The following PRKCB variants were observed in gnomAD, a reference collection of about 807,000 sequenced individuals.
PRKCB encodes protein kinase C beta, also known as protein kinase C beta type.
PRKCB carries 13 observed loss-of-function variants against 81.5 expected under a neutral mutation model. That is an observed-to-expected ratio of 0.16 (90% CI 0.10 to 0.25). The LOEUF (loss-of-function observed/expected upper bound fraction) is 0.25, where lower values mean the gene tolerates loss of function less well. PRKCB is among the 10% of genes least tolerant of loss of function. The pLI is 1.00. For synonymous variants in PRKCB, 335 were observed against 321.4 expected, an observed-to-expected ratio of 1.04 and a Z score of -0.45; for missense variants, 509 against 875.7, an observed-to-expected ratio of 0.58 and a Z score of 5.29.
chr16:23,952,256 G>T (rs1411227425), intron 2 of PRKCB, among the ~76,000 whole-genome samples: 4 of 152,294 alleles, frequency 2.6e-5, no homozygotes, highest in African/African-American at 9.6e-5. Context: ...GAGCAGAGAA[G>T]CCCCCCTCAT....
intron 5 of PRKCB, among the ~76,000 whole-genome samples, chr16:24,088,641 A>G (rs932420616): frequency 1.3e-5 from 2 of 151,102 alleles, no homozygotes; most frequent in African/African-American, 4.9e-5. Context: ...AGGTGGTAGC[A>G]TCGCTTGATC....
intron 16 of PRKCB, among the ~76,000 whole-genome samples, chr16:24,196,046 C>T (rs1055135819): frequency 8.5e-5 from 13 of 152,324 alleles, no homozygotes; most frequent in African/African-American, 2.9e-4. Flanking sequence ...CAGGGAGGCT[C>T]TTGTTGATTC....
At chr16:24,034,504 T>C (rs1267807789) in intron 4 of PRKCB, among the ~76,000 whole-genome samples, 1 of 152,158 alleles carries the variant, frequency 6.6e-6, no homozygotes, top group Non-Finnish European at 1.5e-5. Context: ...ACACAGATAC[T>C]CTACGGAGGA....
intron 2 of PRKCB, among the ~76,000 whole-genome samples, chr16:23,864,849 A>G (rs972940304): frequency 1.3e-5 from 2 of 152,088 alleles, no homozygotes; most frequent in African/African-American, 2.4e-5. Flanking sequence ...TAGTGAACCT[A>G]GCATCTGATA....
At chr16:24,096,773 C>G (rs1297908979) in intron 7 of PRKCB, among the ~76,000 whole-genome samples, 2 of 146,106 alleles carry the variant, frequency 1.4e-5, no homozygotes, top group Non-Finnish European at 1.5e-5. Context: ...TTAACTGAGT[C>G]AAGGAGTCAG....
intron 2 of PRKCB, among the ~76,000 whole-genome samples, chr16:23,979,472 A>G (rs1252504666): frequency 6.6e-6 from 1 of 152,228 alleles, no homozygotes; most frequent in Non-Finnish European, 1.5e-5. Flanking sequence ...GGGATGAGAT[A>G]TCAAGGCAAC....
intron 9 of PRKCB, among the ~76,000 whole-genome samples, chr16:24,127,574 A>G (rs1394042905): frequency 1.3e-5 from 2 of 151,700 alleles, no homozygotes; most frequent in Non-Finnish European, 1.5e-5. Context: ...AACAGACGAG[A>G]GGATGTTTGA....
Position 23,884,701 on chromosome 16 carries a change from A to AT in PRKCB, c.205+47302dup, listed in dbSNP as rs546648862. ...AGGAACACACCACCATGCCTGGCTAATTTTTTTATTTTTATTTTTTGTAGC... is the reference window on the plus strand; with the variant it reads ...AGGAACACACCACCATGCCTGGCTAATTTTTTTTATTTTTATTTTTTGTAGC... On this transcript the variant is annotated intron_variant, in intron 2 of 16. Transcript: ENST00000643927. Among the ~76,000 whole-genome samples, 653 of 152,070 alleles carry AT rather than the reference A, an allele frequency of 4.3e-3. 1 individual carries two copies. Among genetic ancestry groups the AT allele is most frequent in the Non-Finnish European group, 7.0e-3 (479 of 67,978 alleles).
intron 5 of PRKCB, among the ~76,000 whole-genome samples, chr16:24,068,393 T>C (rs1028833821): frequency 6.6e-6 from 1 of 151,596 alleles, no homozygotes; most frequent in African/African-American, 2.4e-5. Flanking sequence ...CAAGCTCTGG[T>C]GGCCTCCCTC....
chr16:24,117,291 C>A (rs763382415), intron 8 of PRKCB, among the ~76,000 whole-genome samples: 7 of 152,278 alleles, frequency 4.6e-5, no homozygotes, highest in Middle Eastern at 3.4e-3. Flanking sequence ...GTAGTGTGAG[C>A]TTGGCGCAGT....
At chr16:24,051,357 A>G (rs1965840004) in intron 5 of PRKCB, among the ~76,000 whole-genome samples, 1 of 152,128 alleles carries the variant, frequency 6.6e-6, no homozygotes, top group Non-Finnish European at 1.5e-5. Flanking sequence ...GTTGCCTGGT[A>G]CCTGATACCT....
chr16:24,034,883 G>A (rs573389444), intron 4 of PRKCB, among the ~76,000 whole-genome samples: 19 of 152,248 alleles, frequency 1.2e-4, no homozygotes, highest in African/African-American at 4.6e-4. Context: ...CCCCACAAGA[G>A]CACTCCCCAA....
At position 24,214,884 on chromosome 16, in the gene PRKCB, T is replaced by A; in HGVS notation, c.*68T>A. 2 of 1,575,968 alleles carry A rather than the reference T, an allele frequency of 1.3e-6. No homozygotes were observed. Among genetic ancestry groups the A allele is most frequent in the Non-Finnish European group, 1.7e-6 (2 of 1,160,928 alleles). On this transcript the variant is annotated 3_prime_UTR_variant, in exon 17 of 17. Coordinates refer to ENST00000643927, the MANE Select transcript of PRKCB (RefSeq NM_002738.7). The stretch of plus-strand genomic sequence containing the variant: ...TCAACGGCTATTGTGGTGACATTTT[T>A]ATGTTTTTCATTGCCAAGTTGCATC...
chr16:23,855,111 C>A (rs1264726538), intron 2 of PRKCB, among the ~76,000 whole-genome samples: 1 of 151,888 alleles, frequency 6.6e-6, no homozygotes, highest in Non-Finnish European at 1.5e-5. Flanking sequence ...AAGACAAAGC[C>A]CCTGTACTTG....
intron 13 of PRKCB, among the ~76,000 whole-genome samples, chr16:24,183,013 C>G (rs144828563): frequency 6.6e-6 from 1 of 151,948 alleles, no homozygotes; most frequent in Non-Finnish European, 1.5e-5. Flanking sequence ...CCCATCACCA[C>G]GCCCAGCTAA....
At chr16:24,165,083 C>T (rs986900496) in intron 10 of PRKCB, among the ~76,000 whole-genome samples, 13 of 152,192 alleles carry the variant, frequency 8.5e-5, no homozygotes, top group African/African-American at 2.7e-4. Context: ...CTCTGTCACC[C>T]AGGCTGGAGT....
intron 2 of PRKCB, among the ~76,000 whole-genome samples, chr16:23,930,680 C>G: frequency 6.6e-6 from 1 of 152,126 alleles, no homozygotes; most frequent in Admixed American, 6.5e-5. Context: ...TTTCTTCCTT[C>G]TAACGTTATT....
chr16:24,198,954 C>G (rs1421854133), intron 16 of PRKCB, among the ~76,000 whole-genome samples: 2 of 152,142 alleles, frequency 1.3e-5, no homozygotes, highest in East Asian at 1.9e-4. Flanking sequence ...TAGCCTGTGT[C>G]AGGCCTCACT....
At chr16:24,129,263 G>C (rs775678395) in intron 9 of PRKCB, among the ~76,000 whole-genome samples, 6 of 152,144 alleles carry the variant, frequency 3.9e-5, no homozygotes, top group African/African-American at 7.2e-5. Context: ...CTTGCCTATG[G>C]ATGGAACTGA....
Sources: gnomAD v4.1 joint callset for allele counts (sites outside exome capture counted in the v4.1 genomes callset) on GRCh38, gnomAD v4.1.1 for gene constraint, MANE v1.5 for transcripts, NCBI Gene and HGNC (gene_info 2026-07-23, HGNC 2026-07-21) for gene names.